The following SLC7A9 variants were observed in gnomAD, a reference collection of about 807,000 sequenced individuals.
SLC7A9 encodes B(0,+)-type amino acid transporter 1.
A neutral mutation model predicts 54.1 loss-of-function variants in SLC7A9; 38 were observed. That is an observed-to-expected ratio of 0.70 (90% CI 0.54 to 0.92). The LOEUF is 0.92. SLC7A9 is among the 40% of genes least tolerant of loss of function. The pLI, the probability that SLC7A9 is intolerant of heterozygous loss-of-function variation, is 0.00. For missense variants in SLC7A9, 537 were observed against 636.1 expected (o/e 0.84, Z 1.68); for synonymous variants, 264 against 258.9 (o/e 1.02, Z -0.19).
At chr19:32,844,004 AGGGCCACTGAGGACTTGTGCTCC>A (rs1968207148) in intron 9 of SLC7A9, 53 bp from the exon 10 acceptor site, 1 of 1,332,664 alleles carries the variant, frequency 7.5e-7, no homozygotes, top group Admixed American at 1.7e-5. Context: ...CCATCTGTCC[AGGGCCACTGAGGACTTGTGCTCC>A]GGGGTCCACC....
At chr19:32,843,286 A>G (rs1968181360) in intron 10 of SLC7A9, among the ~76,000 whole-genome samples, 2 of 151,998 alleles carry the variant, frequency 1.3e-5, no homozygotes, top group South Asian at 2.1e-4. Context: ...GTGAAACCCC[A>G]TCTCTACTAA....
intron 7 of SLC7A9, chr19:32,860,314 TG>T: frequency 7.2e-7 from 1 of 1,388,190 alleles, no homozygotes; most frequent in Admixed American, 3.0e-5. Context: ...CCCAGCACTT[TG>T]GGAGGCCGAG....
chr19:32,852,229 A>G (rs1968491279), intron 9 of SLC7A9, among the ~76,000 whole-genome samples: 1 of 152,116 alleles, frequency 6.6e-6, no homozygotes, highest in Non-Finnish European at 1.5e-5. Flanking sequence ...TGTGCCTTAC[A>G]CCTGTAATCC....
In SLC7A9 at chr19:32,858,768, CTTTA is replaced by C. The variant is rs71176160; in HGVS notation, c.874-229_874-226del. ...TTATCTACTACTCCCTGGCATAAAT[CTTTA>C]TTTATTTATTTATTTATTTATTTAT... On this transcript the variant is annotated intron_variant, in intron 8 of 12. Coordinates refer to ENST00000023064, the MANE Select transcript of SLC7A9 (RefSeq NM_014270.5). 3.8e-3 allele frequency among the ~76,000 whole-genome samples: 568 copies of C among 148,628 alleles called. 3 individuals are homozygous for C. The highest frequency in any genetic ancestry group is 0.02 in the South Asian group (95 of 4,670).
intron 11 of SLC7A9, among the ~76,000 whole-genome samples, chr19:32,840,046 C>G (rs907299099): frequency 6.6e-6 from 1 of 152,124 alleles, no homozygotes; most frequent in Admixed American, 6.6e-5. Flanking sequence ...AGATTCCCCA[C>G]CTTCCCCACC....
intron 9 of SLC7A9, among the ~76,000 whole-genome samples, chr19:32,855,477 A>T (rs1968594114): frequency 6.6e-6 from 1 of 152,188 alleles, no homozygotes; most frequent in Non-Finnish European, 1.5e-5. Context: ...AGGCGGGCGG[A>T]TCACGAGGTC....
chr19:32,831,974 C>T (rs1418525246), intron 12 of SLC7A9, among the ~76,000 whole-genome samples: 2 of 152,172 alleles, frequency 1.3e-5, no homozygotes, highest in South Asian at 2.1e-4. Context: ...GTGTGTCTTT[C>T]GCAATTAAAA....
chr19:32,850,454 A>G (rs915469816), intron 9 of SLC7A9, among the ~76,000 whole-genome samples: 15 of 151,978 alleles, frequency 9.9e-5, no homozygotes, highest in African/African-American at 3.4e-4. Context: ...TAAAATACCT[A>G]GGAATCCAAC....
chr19:32,833,389 AT>A, intron 11 of SLC7A9, 66 bp from the exon 12 acceptor site: 1 of 1,465,928 alleles, frequency 6.8e-7, no homozygotes, highest in Non-Finnish European at 9.5e-7. Context: ...TAAAAAACCG[AT>A]TTTTATAAAA....
chr19:32,837,164 C>G (rs545322796), intron 11 of SLC7A9, among the ~76,000 whole-genome samples: 46 of 152,198 alleles, frequency 3.0e-4, no homozygotes, highest in Admixed American at 1.2e-3. Flanking sequence ...AAGAACCCCC[C>G]AGGCCTGTGT....
At position 32,858,548 on chromosome 19, in the gene SLC7A9, T is replaced by G; in HGVS notation, c.874-5A>C. On this transcript the variant is annotated splice_region_variant and splice_polypyrimidine_tract_variant and intron_variant, in intron 8 of 12. Transcript: ENST00000023064. ...GAGAACACGGTCACCAAATGTCTGGTGAGAGAAGCGAGATGAGTCCTGAGG... is the reference window on the plus strand; with the variant it reads ...GAGAACACGGTCACCAAATGTCTGGGGAGAGAAGCGAGATGAGTCCTGAGG... The G allele has an allele frequency of 6.2e-7, 1 of 1,607,712 alleles. No homozygotes were observed. The highest frequency in any genetic ancestry group is 8.5e-7 in the Non-Finnish European group (1 of 1,176,022).
In SLC7A9 at chr19:32,855,680, T is replaced by C. The variant is rs186836295; in HGVS notation, c.977+2760A>G. The stretch of plus-strand genomic sequence containing the variant: ...TCATGCCACTGCACTCCAGCCTGGG[T>C]GACAGAGCAAGACTCCGTCTCAAAA... On this transcript the variant is annotated intron_variant, in intron 9 of 12. Transcript: ENST00000023064. 2.0e-3 allele frequency among the ~76,000 whole-genome samples: 296 copies of C among 151,446 alleles called. 4 individuals are homozygous for C. The East Asian group carries it at 0.022, about 11-fold the overall frequency.
At chr19:32,855,421 C>T (rs1054997107) in intron 9 of SLC7A9, among the ~76,000 whole-genome samples, 9 of 152,056 alleles carry the variant, frequency 5.9e-5, no homozygotes, top group East Asian at 5.8e-4. Context: ...AAAATGCAGC[C>T]GGGCGCGGTG....
intron 9 of SLC7A9, among the ~76,000 whole-genome samples, chr19:32,854,735 C>T (rs1968568332): frequency 2.0e-5 from 3 of 152,132 alleles, no homozygotes; most frequent in Non-Finnish European, 2.9e-5. Context: ...TTACAGGCAT[C>T]TGCCACCATG....
chr19:32,860,322 C>T (rs578193836), intron 7 of SLC7A9: 548 of 1,376,372 alleles, frequency 4.0e-4, no homozygotes, highest in Non-Finnish European at 4.9e-4. Flanking sequence ...TTTGGGAGGC[C>T]GAGATGGGCG....
chr19:32,843,521 CATA>C lies in SLC7A9; in HGVS notation c.1074+331_1074+333del, dbSNP rs1347496766. ...TCCGGTGACTTCTTAATCATTAGAG[CATA>C]ATGAGAGGCAGCTGTCAGTAACTAC... On this transcript the variant is annotated intron_variant, in intron 10 of 12. Transcript: ENST00000023064. 3.3e-5 allele frequency among the ~76,000 whole-genome samples: 5 copies of C among 152,242 alleles called. No homozygotes were observed. The East Asian group carries it at 9.7e-4, about 29-fold the overall frequency.
intron 9 of SLC7A9, among the ~76,000 whole-genome samples, chr19:32,857,385 A>G (rs1208832027): frequency 6.6e-6 from 1 of 152,166 alleles, no homozygotes; most frequent in Non-Finnish European, 1.5e-5. Flanking sequence ...TAGAGGCTAC[A>G]GTGAGCCAAG....
chr19:32,832,601 AAAAG>A lies in SLC7A9; in HGVS notation c.1399+544_1399+547del, dbSNP rs1307792241. Among the ~76,000 whole-genome samples the A allele has an allele frequency of 4.1e-3, 592 of 144,194 alleles. 4 individuals carry two copies. The highest frequency in any genetic ancestry group is 7.3e-3 in the Middle Eastern group (2 of 274). 94.6% of individuals were successfully genotyped at this position (144,194 alleles called of 152,430 possible). Reference sequence around the variant, plus strand: ...AGACTGTGTCTCAAAAAAAAAAAAAAAAAGAAAGAAAGAAAGAAAAAGAAAAACG... The same window carrying A: ...AGACTGTGTCTCAAAAAAAAAAAAAAAAAGAAAGAAAGAAAAAGAAAAACG... On this transcript the variant is annotated intron_variant, in intron 12 of 12. Coordinates refer to ENST00000023064, the MANE Select transcript of SLC7A9 (RefSeq NM_014270.5).
intron 8 of SLC7A9, 32 bp downstream of exon 8, chr19:32,859,809 G>T (rs1275830921): frequency 6.4e-7 from 1 of 1,573,798 alleles, no homozygotes; most frequent in Non-Finnish European, 8.7e-7. Flanking sequence ...ACAAGCCACA[G>T]CCCCCGCCAG....
Sources: gnomAD v4.1 joint callset for allele counts (sites outside exome capture counted in the v4.1 genomes callset) on GRCh38, gnomAD v4.1.1 for gene constraint, MANE v1.5 for transcripts, NCBI Gene and HGNC (gene_info 2026-07-23, HGNC 2026-07-21) for gene names.